The following ZNF267 variants were observed in gnomAD, a reference collection of about 807,000 sequenced individuals.
The protein encoded by ZNF267 is zinc finger (C2H2).
ZNF267 carries 61 observed loss-of-function variants against 71.6 expected under a neutral mutation model. The ratio of observed to expected loss-of-function variants is 0.85; its 90% CI spans 0.69 to 1.05. The LOEUF (loss-of-function observed/expected upper bound fraction) is 1.05. Ranked by LOEUF, ZNF267 falls within the 50% of genes least tolerant of loss-of-function variation. ZNF267 has a pLI of 0.00. For missense variants in ZNF267, 852 were observed against 870.0 expected (o/e 0.98, Z 0.26); for synonymous variants, 288 against 293.2 (o/e 0.98, Z 0.18).
chr16:31,901,659 A>C (rs1227890482), intron 3 of ZNF267, among the ~76,000 whole-genome samples: 1 of 151,788 alleles, frequency 6.6e-6, no homozygotes, highest in South Asian at 2.1e-4. Context: ...TTTTCTTGTA[A>C]ATTTGTTTGA....
intron 3 of ZNF267, chr16:31,894,907 C>T (rs1176533814): frequency 2.7e-6 from 1 of 376,202 alleles, no homozygotes; most frequent in Non-Finnish European, 5.3e-6. Flanking sequence ...TGTGATTTCC[C>T]CTGGGTTAGT....
At position 31,899,987 on chromosome 16, in the gene ZNF267, C is replaced by CAT. The variant is rs905553020; in HGVS notation, c.227-14479_227-14478dup. On this transcript the variant is annotated intron_variant, in intron 3 of 3. Transcript: ENST00000300870. ...TTTTAATTGAACCCTTGGTGTCATC[C>CAT]ATATATATATACACACACACACACA... is the stretch of plus-strand genomic sequence containing the variant. Among the ~76,000 whole-genome samples the CAT allele has an allele frequency of 1.6e-4, 24 of 150,938 alleles. No individual in the cohort carries two copies. In the East Asian group the frequency reaches 2.1e-3, roughly 13 times the overall value.
At position 31,883,900 on chromosome 16, in the gene ZNF267, A is replaced by G. The variant is rs532964414; in HGVS notation, c.4-598A>G. On this transcript the variant is annotated intron_variant, in intron 1 of 3. Transcript: ENST00000300870. ...TAGACATGCAGATACTCAGCCAGCCATGGTGGCTCATGCCTGTAGCCTTAG... is the reference window on the plus strand; with the variant it reads ...TAGACATGCAGATACTCAGCCAGCCGTGGTGGCTCATGCCTGTAGCCTTAG... 5.3e-5 allele frequency among the ~76,000 whole-genome samples: 8 copies of G among 152,366 alleles called. No homozygotes were observed. The East Asian group carries it at 1.2e-3, about 22-fold the overall frequency.
chr16:31,906,205 C>G (rs943702498), intron 3 of ZNF267, among the ~76,000 whole-genome samples: 4 of 152,132 alleles, frequency 2.6e-5, no homozygotes, highest in Non-Finnish European at 2.9e-5. Context: ...CTGGGGGGTG[C>G]CTCCCAGATA....
chr16:31,875,382 A>G (rs2083845196), intron 1 of ZNF267: 3 of 1,178,262 alleles, frequency 2.5e-6, no homozygotes, highest in Admixed American at 6.3e-5. Context: ...CTTAACCTAA[A>G]AAGATAACCC....
chr16:31,909,064 CGTGT>C (rs58278411), intron 3 of ZNF267, among the ~76,000 whole-genome samples: 2 of 138,412 alleles, frequency 1.4e-5, no homozygotes, highest in African/African-American at 2.8e-5. Context: ...GGATATTTTT[CGTGT>C]GTGTGTGTGT....
At chr16:31,890,473 A>G (rs1596618781) in intron 3 of ZNF267, among the ~76,000 whole-genome samples, 1 of 152,278 alleles carries the variant, frequency 6.6e-6, no homozygotes, top group East Asian at 1.9e-4. Flanking sequence ...TCTATTCTTT[A>G]AGTTTATGTT....
At chr16:31,894,609 C>A (rs1018777686) in intron 3 of ZNF267, 20 of 485,908 alleles carry the variant, frequency 4.1e-5, no homozygotes, top group South Asian at 3.2e-4. Flanking sequence ...ATAATGACTT[C>A]AGTGCTTTCA....
rs777468341 is a variant in ZNF267, at chr16:31,915,119, CAGAGA to C, written c.872_876del (p.Arg291LysfsTer4). On this transcript the variant is annotated frameshift_variant, in exon 4 of 4. Coordinates refer to ENST00000300870, the MANE Select transcript of ZNF267 (RefSeq NM_003414.6). LOFTEE classifies it high-confidence loss of function. ...ATATTCAACATCAGACCATCCATATCAGAGAAAACTCATATAGCTATAACAAATAT... is the reference window on the plus strand; with the variant it reads ...ATATTCAACATCAGACCATCCATATCAAACTCATATAGCTATAACAAATAT... The C allele has an allele frequency of 4.8e-5, 77 of 1,613,342 alleles. No homozygotes were observed. Among genetic ancestry groups the C allele is most frequent in the Non-Finnish European group, 6.2e-5 (73 of 1,179,790 alleles).
intron 3 of ZNF267, among the ~76,000 whole-genome samples, chr16:31,909,796 G>A (rs2084122146): frequency 2.6e-5 from 4 of 152,274 alleles, no homozygotes; most frequent in African/African-American, 9.6e-5. Flanking sequence ...CCAGTACTAT[G>A]TTGAATAACA....
chr16:31,914,490 T>C lies in ZNF267; in HGVS notation c.241T>C (p.Tyr81His), dbSNP rs1458657950. ...ATATCTTTCAGATGTGTTTTCGCAT[T>C]ATAACAAGGACCTGTTGACAGAGCA... is the stretch of plus-strand genomic sequence containing the variant. ...VAIQPDVFSH[Y>H]NKDLLTEHCT... The change falls in exon 4 of 4, where the codon TAT (tyrosine) becomes CAT (histidine). Residue 81 changes from tyrosine (Y) to histidine (H), a missense_variant. Transcript: ENST00000300870. 1 of 1,579,198 alleles carries C rather than the reference T, an allele frequency of 6.3e-7. No individual in the cohort carries two copies.
At chr16:31,890,221 C>T (rs965691202) in intron 3 of ZNF267, 1 of 152,004 alleles carries the variant, frequency 6.6e-6, no homozygotes, top group African/African-American at 2.4e-5. Flanking sequence ...TTGAAGTTCC[C>T]TGTTATTGCA....
chr16:31,900,317 T>TA (rs2084029748), intron 3 of ZNF267, among the ~76,000 whole-genome samples: 1 of 152,220 alleles, frequency 6.6e-6, no homozygotes, highest in South Asian at 2.1e-4. Context: ...TTTATACTGT[T>TA]ACATGATTTT....
intron 3 of ZNF267, among the ~76,000 whole-genome samples, chr16:31,888,895 T>TA (rs2083941244): frequency 6.6e-6 from 1 of 152,128 alleles, no homozygotes; most frequent in African/African-American, 2.4e-5. Context: ...ATTGCTTTTT[T>TA]AAATGCTTGA....
intron 3 of ZNF267, among the ~76,000 whole-genome samples, chr16:31,905,903 A>G (rs1053610732): frequency 8.6e-5 from 13 of 151,778 alleles, no homozygotes; most frequent in African/African-American, 2.9e-4. Context: ...TTTTTTCCCC[A>G]TCTTTGTGGT....
At chr16:31,901,767 T>G (rs940092995) in intron 3 of ZNF267, among the ~76,000 whole-genome samples, 1 of 152,224 alleles carries the variant, frequency 6.6e-6, no homozygotes, top group Non-Finnish European at 1.5e-5. Context: ...TGATGGTGGT[T>G]TCCTTTGCTG....
chr16:31,912,648 C>G (rs1015372764), intron 3 of ZNF267: 2 of 151,650 alleles, frequency 1.3e-5, no homozygotes, highest in Non-Finnish European at 2.9e-5. Context: ...CTCTTTAAGG[C>G]TAACAACTCT....
In ZNF267 at chr16:31,914,735, T is replaced by G; in HGVS notation, c.486T>G (p.Phe162Leu). 6.2e-7 allele frequency: 1 copy of G among 1,614,150 alleles called. No homozygotes were observed. The highest frequency in any genetic ancestry group is 8.5e-7 in the Non-Finnish European group (1 of 1,180,022). Residue 162 changes from phenylalanine (F) to leucine (L), a missense_variant, in exon 4 of 4, where the codon TTT (phenylalanine) becomes TTG (leucine). Transcript: ENST00000300870. ...CTTCTTGTGCCAAAAGCTATAACTT[T>G]GATCAATATAGGAAGGTCTTTACTC... ...ILSSCAKSYN[F>L]DQYRKVFTHS...
intron 3 of ZNF267, among the ~76,000 whole-genome samples, chr16:31,908,771 G>A (rs879942318): frequency 3.9e-5 from 6 of 152,016 alleles, no homozygotes; most frequent in Admixed American, 1.3e-4. Context: ...TGTTGCATTG[G>A]TCTGTGTGTC....
Sources: gnomAD v4.1 joint callset for allele counts (sites outside exome capture counted in the v4.1 genomes callset) on GRCh38, gnomAD v4.1.1 for gene constraint, MANE v1.5 for transcripts, NCBI Gene and HGNC (gene_info 2026-07-23, HGNC 2026-07-21) for gene names.